The following NPR3 variants were observed in gnomAD, a reference collection of about 807,000 sequenced individuals.
NPR3 encodes natriuretic peptide receptor 3.
Under a neutral mutation model 54.5 loss-of-function variants are expected in NPR3, and 34 were observed. The ratio of observed to expected loss-of-function variants is 0.62; its 90% CI spans 0.47 to 0.83. The LOEUF (loss-of-function observed/expected upper bound fraction) is 0.83. Ranked by LOEUF, NPR3 falls within the 40% of genes least tolerant of loss-of-function variation. The probability of loss-of-function intolerance (pLI) is 0.00; values close to 1 mark genes in which losing one functional copy is unlikely to be tolerated. For synonymous variants in NPR3, 289 were observed against 297.1 expected, an observed-to-expected ratio of 0.97 and a Z score of 0.28; for missense variants, 674 against 720.8, an observed-to-expected ratio of 0.94 and a Z score of 0.74.
chr5:32,728,108 G>T (rs923952070), intron 2 of NPR3, among the ~76,000 whole-genome samples: 3 of 152,178 alleles, frequency 2.0e-5, no homozygotes, highest in South Asian at 2.1e-4. Flanking sequence ...ATATATTGTT[G>T]AGTTTAAGTT....
At chr5:32,743,602 C>T (rs1167946423) in intron 3 of NPR3, among the ~76,000 whole-genome samples, 1 of 152,198 alleles carries the variant, frequency 6.6e-6, no homozygotes, top group African/African-American at 2.4e-5. Context: ...ATCTCAACCT[C>T]AAGACTGAAT....
chr5:32,761,364 A>T (rs1186045692), intron 3 of NPR3, among the ~76,000 whole-genome samples: 2 of 152,168 alleles, frequency 1.3e-5, no homozygotes, highest in African/African-American at 4.8e-5. Flanking sequence ...AGCAATGTTT[A>T]TAGTTTTCTG....
chr5:32,767,981 G>A (rs1212896122), intron 3 of NPR3, among the ~76,000 whole-genome samples: 18 of 152,234 alleles, frequency 1.2e-4, no homozygotes, highest in Non-Finnish European at 2.1e-4. Flanking sequence ...CTCCACCTCC[G>A]TTTGACCTGA....
chr5:32,713,273 C>T, intron 1 of NPR3: 1 of 985,420 alleles, frequency 1.0e-6, no homozygotes, highest in Non-Finnish European at 1.2e-6. Context: ...AAGAAACGAG[C>T]GCTGAACCTT....
rs1742699376 is a variant in NPR3, at chr5:32,787,476, A to T, written c.*1131A>T. ...GGGAGGCAGCCCTTTTCCCTCAAGA[A>T]CAACTTTGTTGAGAGTTACTACTTG... On this transcript the variant is annotated 3_prime_UTR_variant, in exon 8 of 8. Coordinates refer to ENST00000265074, the MANE Select transcript of NPR3 (RefSeq NM_001204375.2). 6.6e-6 allele frequency: 1 copy of T among 152,234 alleles called. No homozygotes were observed. The highest frequency in any genetic ancestry group is 1.5e-5 in the Non-Finnish European group (1 of 68,048). 9.4% of individuals were successfully genotyped at this position (152,234 alleles called of 1,614,324 possible).
chr5:32,774,390 G>A (rs1741926495), intron 3 of NPR3, among the ~76,000 whole-genome samples: 1 of 152,206 alleles, frequency 6.6e-6, no homozygotes, highest in African/African-American at 2.4e-5. Context: ...AGAGGCAGAT[G>A]TGGGGAAGGA....
intron 2 of NPR3, among the ~76,000 whole-genome samples, chr5:32,738,007 TAATA>T (rs1392778977): frequency 2.6e-5 from 4 of 152,200 alleles, no homozygotes; most frequent in African/African-American, 9.7e-5. Context: ...GGACATTGTC[TAATA>T]AATAATTTCT....
intron 3 of NPR3, among the ~76,000 whole-genome samples, chr5:32,743,392 A>ATG (rs144093983): frequency 0.028 from 4,226 of 151,290 alleles, 66 homozygotes; most frequent in Admixed American, 0.046. Flanking sequence ...TACTCTTTGT[A>ATG]TGTGTGTGTG....
chr5:32,723,677 C>A (rs1738985237), intron 1 of NPR3, among the ~76,000 whole-genome samples: 1 of 152,098 alleles, frequency 6.6e-6, no homozygotes, highest in South Asian at 2.1e-4. Context: ...TTATTTGATG[C>A]AGTTTTTTTT....
chr5:32,782,452 C>G (rs1742385848), intron 5 of NPR3, among the ~76,000 whole-genome samples: 1 of 152,116 alleles, frequency 6.6e-6, no homozygotes, highest in African/African-American at 2.4e-5. Flanking sequence ...ATGAACAAAG[C>G]AAAAGCCGGG....
intron 2 of NPR3, among the ~76,000 whole-genome samples, chr5:32,735,909 A>C (rs1739714128): frequency 1.3e-5 from 2 of 152,176 alleles, no homozygotes; most frequent in African/African-American, 4.8e-5. Context: ...TTTAATAAGC[A>C]CTACTATTTC....
chr5:32,734,884 C>A (rs957389427), intron 2 of NPR3, among the ~76,000 whole-genome samples: 1 of 152,218 alleles, frequency 6.6e-6, no homozygotes, highest in South Asian at 2.1e-4. Flanking sequence ...GCCATCCATC[C>A]CTTTCTGGTA....
At chr5:32,709,169 C>A (rs763521411), upstream of NPR3, among the ~76,000 whole-genome samples, 6 of 152,042 alleles carry the variant, frequency 3.9e-5, no homozygotes, top group Admixed American at 3.3e-4. Context: ...CCGCATAAAC[C>A]CACACCACAC....
At position 32,780,711 on chromosome 5, in the gene NPR3, T is replaced by C; in HGVS notation, c.1196-11T>C. On this transcript the variant is annotated splice_polypyrimidine_tract_variant and intron_variant, in intron 4 of 7. Transcript: ENST00000265074. Reference sequence around the variant, plus strand: ...TAACCAACGTTGAGTTCTTCGCTTCTGGTCCTGTAGGTATCGCCGGGCAGG... The same window carrying C: ...TAACCAACGTTGAGTTCTTCGCTTCCGGTCCTGTAGGTATCGCCGGGCAGG... The C allele has an allele frequency of 2.3e-6, 3 of 1,290,508 alleles. No individual in the cohort carries two copies. Among genetic ancestry groups the C allele is most frequent in the African/African-American group, 1.5e-5 (1 of 68,714 alleles). The allele number at this position is 1,290,508 out of a possible 1,614,324, so 79.9% of individuals were successfully genotyped here.
intron 3 of NPR3, among the ~76,000 whole-genome samples, chr5:32,740,607 T>TG (rs1739986071): frequency 6.9e-6 from 1 of 145,248 alleles, no homozygotes; most frequent in South Asian, 2.1e-4. Context: ...TTTGAAAAAG[T>TG]GAAAAAAAAA....
At chr5:32,756,454 G>GT (rs1425099213) in intron 3 of NPR3, among the ~76,000 whole-genome samples, 1 of 152,202 alleles carries the variant, frequency 6.6e-6, no homozygotes, top group African/African-American at 2.4e-5. Flanking sequence ...GGGGTTGTTT[G>GT]TTTTTTTCCT....
At chr5:32,726,090 T>A (rs1371800012) in intron 2 of NPR3, among the ~76,000 whole-genome samples, 1 of 152,206 alleles carries the variant, frequency 6.6e-6, no homozygotes, top group African/African-American at 2.4e-5. Context: ...AAACGCTGCA[T>A]GCTGGCTGCT....
At chr5:32,731,959 C>T (rs563061118) in intron 2 of NPR3, among the ~76,000 whole-genome samples, 3 of 152,088 alleles carry the variant, frequency 2.0e-5, no homozygotes, top group African/African-American at 4.8e-5. Context: ...AATCCATTCT[C>T]GGCCGGGCGC....
At chr5:32,778,088 T>C (rs925920876) in intron 4 of NPR3, among the ~76,000 whole-genome samples, 6 of 152,110 alleles carry the variant, frequency 3.9e-5, no homozygotes, top group African/African-American at 1.4e-4. Context: ...GTGCCAATGA[T>C]GGCTGGAATG....
Sources: gnomAD v4.1 joint callset for allele counts (sites outside exome capture counted in the v4.1 genomes callset) on GRCh38, gnomAD v4.1.1 for gene constraint, MANE v1.5 for transcripts, NCBI Gene and HGNC (gene_info 2026-07-23, HGNC 2026-07-21) for gene names.